The following SFXN5 variants were observed in gnomAD, a reference collection of about 807,000 sequenced individuals.
SFXN5 encodes sideroflexin 5.
A neutral mutation model predicts 50.2 loss-of-function variants in SFXN5; 43 were observed. The observed-to-expected ratio is 0.86, with a 90% CI of 0.67 to 1.11. SFXN5 has a LOEUF of 1.11. SFXN5 is among the 50% of genes least tolerant of loss of function. The pLI is 0.00. For missense variants in SFXN5, 463 were observed against 454.1 expected (o/e 1.02, Z -0.18); for synonymous variants, 203 against 185.8 (o/e 1.09, Z -0.75).
intron 13 of SFXN5, among the ~76,000 whole-genome samples, chr2:72,955,927 T>G (rs1400706640): frequency 6.6e-6 from 1 of 152,278 alleles, no homozygotes; most frequent in Admixed American, 6.5e-5. Context: ...CCCGGCAAGC[T>G]GCCGCGCAGC....
chr2:72,980,521 C>T (rs896633043), intron 10 of SFXN5, among the ~76,000 whole-genome samples: 6 of 152,146 alleles, frequency 3.9e-5, no homozygotes, highest in African/African-American at 1.4e-4. Context: ...CACAAATTTT[C>T]TCTTAAGTAG....
At chr2:73,060,101 A>C (rs1434515762) in intron 1 of SFXN5, among the ~76,000 whole-genome samples, 1 of 152,242 alleles carries the variant, frequency 6.6e-6, no homozygotes, top group African/African-American at 2.4e-5. Flanking sequence ...CTAAGTGAAA[A>C]GCAAAAAGAC....
chr2:73,046,475 C>T (rs1282150052), intron 2 of SFXN5, among the ~76,000 whole-genome samples: 2 of 150,862 alleles, frequency 1.3e-5, no homozygotes, highest in Non-Finnish European at 2.9e-5. Flanking sequence ...TAGGAAACAA[C>T]CTATCTGTTA....
intron 9 of SFXN5, among the ~76,000 whole-genome samples, chr2:72,996,327 T>C (rs1386731946): frequency 6.6e-6 from 1 of 152,124 alleles, no homozygotes; most frequent in Non-Finnish European, 1.5e-5. Context: ...AGCTCAGCTC[T>C]GGGAACCCCA....
intron 10 of SFXN5, among the ~76,000 whole-genome samples, chr2:72,987,930 C>T (rs113110151): frequency 1.4e-4 from 21 of 152,312 alleles, no homozygotes; most frequent in African/African-American, 3.4e-4. Flanking sequence ...GCATTCGTAA[C>T]GGAAGGAAAT....
rs747930006 is a variant in SFXN5 at position 72,961,177 on chromosome 2, C to T, written c.899G>A (p.Gly300Asp). ...VQSLVCLAAFGLALPLAISLF... is the reference protein window; with the variant it reads ...VQSLVCLAAFDLALPLAISLF... ...GCTGATGGCCAGCGGCAGGGCCAGG[C>T]CGAAGGCTGCCAGGCACACGAGGCT... Residue 300 changes from glycine to aspartate, a missense_variant, in exon 13 of 14, where the codon GGC (glycine) becomes GAC (aspartate). Transcript: ENST00000272433. The surrounding 1 kb of genome is among the most constrained non-coding windows in gnomAD (Gnocchi z 4.4). 2 of 1,575,530 alleles carry T rather than the reference C, an allele frequency of 1.3e-6. No homozygotes were observed. The highest frequency in any genetic ancestry group is 4.9e-5 in the East Asian group (2 of 40,408).
At chr2:73,051,156 A>G (rs1681262686) in intron 2 of SFXN5, among the ~76,000 whole-genome samples, 1 of 151,850 alleles carries the variant, frequency 6.6e-6, no homozygotes, top group Admixed American at 6.6e-5. Context: ...CCCATAAGTT[A>G]CTTCTAAAAG....
At position 72,973,497 on chromosome 2, in the gene SFXN5, T is replaced by C. The variant is rs1468694868; in HGVS notation, c.626-1812A>G. On this transcript the variant is annotated intron_variant, in intron 10 of 13. Coordinates refer to ENST00000272433, the MANE Select transcript of SFXN5 (RefSeq NM_144579.3). The surrounding 1 kb of genome is among the most constrained non-coding windows in gnomAD (Gnocchi z 5.5). Reference sequence around the variant, plus strand: ...ACAGGACAGTCCCCCCACCAAAGGATCATCTGGCCCCCAAATATGTCAACA... The same window carrying C: ...ACAGGACAGTCCCCCCACCAAAGGACCATCTGGCCCCCAAATATGTCAACA... 2 of 169,914 alleles carry C rather than the reference T, an allele frequency of 1.2e-5. No homozygotes were observed. The highest frequency in any genetic ancestry group is 4.8e-5 in the African/African-American group (2 of 41,494). The allele number at this position is 169,914 out of a possible 1,614,324, so 10.5% of individuals were successfully genotyped here.
At chr2:73,028,639 T>G (rs1677904797) in intron 3 of SFXN5, among the ~76,000 whole-genome samples, 5 of 152,118 alleles carry the variant, frequency 3.3e-5, no homozygotes, top group Admixed American at 3.3e-4. Flanking sequence ...TGAACAAGGG[T>G]CTTGCATTTC....
At chr2:72,969,389 G>C (rs1032371494) in intron 11 of SFXN5, among the ~76,000 whole-genome samples, 6 of 151,806 alleles carry the variant, frequency 4.0e-5, no homozygotes, top group African/African-American at 1.5e-4. Flanking sequence ...TGTTGTTGGT[G>C]TTTTTTTTGT....
intron 6 of SFXN5, among the ~76,000 whole-genome samples, chr2:73,011,896 C>A (rs1378902223): frequency 6.6e-6 from 1 of 152,180 alleles, no homozygotes; most frequent in Non-Finnish European, 1.5e-5. Flanking sequence ...CCTTGAGAAA[C>A]CCTTATCCTT....
intron 1 of SFXN5, among the ~76,000 whole-genome samples, chr2:73,069,216 G>T (rs1683396646): frequency 6.6e-6 from 1 of 152,190 alleles, no homozygotes; most frequent in Non-Finnish European, 1.5e-5. Flanking sequence ...CTGACTTGCA[G>T]AAAGAGGAAG....
In SFXN5 at chr2:73,001,426, G is replaced by A. The variant is rs996736854; in HGVS notation, c.411+99C>T. ...GTGTTGGGGTGGACTGACCCTACAC[G>A]GGGTCTGGACGGGGCAGGAGACACC... On this transcript the variant is annotated intron_variant, in intron 7 of 13. Coordinates refer to ENST00000272433, the MANE Select transcript of SFXN5 (RefSeq NM_144579.3). The A allele has an allele frequency of 1.1e-5, 14 of 1,269,860 alleles. No homozygotes were observed. The African/African-American group carries it at 1.2e-4, about 11-fold the overall frequency. The allele number at this position is 1,269,860 out of a possible 1,614,324, so 78.7% of individuals were successfully genotyped here.
chr2:73,005,049 T>C (rs1241317601), intron 6 of SFXN5, among the ~76,000 whole-genome samples: 4 of 151,974 alleles, frequency 2.6e-5, no homozygotes, highest in African/African-American at 4.8e-5. Context: ...TGCCAGTGGA[T>C]TGCACCTCTT....
chr2:72,969,819 C>G (rs1251695947), intron 11 of SFXN5, among the ~76,000 whole-genome samples: 1 of 151,924 alleles, frequency 6.6e-6, no homozygotes, highest in Non-Finnish European at 1.5e-5. Flanking sequence ...CATGCTTCAG[C>G]TGGGTGTCTG....
At chr2:73,050,388 G>GCGCGCGCGCACACACA in intron 2 of SFXN5, among the ~76,000 whole-genome samples, 19 of 143,912 alleles carry the variant, frequency 1.3e-4, no homozygotes, top group African/African-American at 4.7e-4. Context: ...CAGCCACAGC[G>GCGCGCGCGCACACACA]CACGCACACA....
At chr2:73,021,908 T>C (rs955726004) in intron 5 of SFXN5, among the ~76,000 whole-genome samples, 13 of 152,196 alleles carry the variant, frequency 8.5e-5, no homozygotes, top group African/African-American at 2.7e-4. Flanking sequence ...AAAGCCCACA[T>C]AGGCACAGCT....
At chr2:72,986,850 A>G (rs1005241628) in intron 10 of SFXN5, among the ~76,000 whole-genome samples, 1 of 152,140 alleles carries the variant, frequency 6.6e-6, no homozygotes, top group Non-Finnish European at 1.5e-5. Flanking sequence ...TCCCCTCCAC[A>G]TATACCTGTG....
chr2:73,020,316 T>C lies in SFXN5; in HGVS notation c.332-52A>G, dbSNP rs1420438002. On this transcript the variant is annotated intron_variant, in intron 5 of 13. Coordinates refer to ENST00000272433, the MANE Select transcript of SFXN5 (RefSeq NM_144579.3). ...CCTTATAATCCACTCACATCTCACC[T>C]GAGATACCCAGGAGCCTCCGGGTTA... 9 of 1,600,380 alleles carry C rather than the reference T, an allele frequency of 5.6e-6. No homozygotes were observed. The South Asian group carries it at 1.0e-4, about 18-fold the overall frequency.
Sources: gnomAD v4.1 joint callset for allele counts (sites outside exome capture counted in the v4.1 genomes callset) on GRCh38, gnomAD v4.1.1 for gene constraint, Gnocchi (gnomAD v3.1) non-coding constraint, MANE v1.5 for transcripts, NCBI Gene and HGNC (gene_info 2026-07-23, HGNC 2026-07-21) for gene names.